The following CSF3R variants were observed in gnomAD, a reference collection of about 807,000 sequenced individuals.
CSF3R encodes the protein granulocyte colony-stimulating factor receptor.
A neutral mutation model predicts 84.4 loss-of-function variants in CSF3R; 52 were observed. The ratio of observed to expected loss-of-function variants is 0.62; its 90% CI spans 0.49 to 0.78. The LOEUF (loss-of-function observed/expected upper bound fraction) is 0.78, where lower values mean the gene tolerates loss of function less well. Among genes scored for constraint, CSF3R ranks in the 30% least tolerant of loss-of-function variants. CSF3R has a pLI of 0.00. For synonymous variants in CSF3R, 384 were observed against 429.1 expected, an observed-to-expected ratio of 0.89 and a Z score of 1.30; for missense variants, 890 against 1,055.7, an observed-to-expected ratio of 0.84 and a Z score of 2.17.
rs954552419 is a variant in CSF3R at position 36,471,334 on chromosome 1, A to C, written c.1285+99T>G. The C allele has an allele frequency of 1.6e-5, 20 of 1,223,502 alleles. No individual in the cohort carries two copies. The African/African-American group carries it at 3.0e-4, about 18-fold the overall frequency. 75.8% of individuals were successfully genotyped at this position (1,223,502 alleles called of 1,614,324 possible). On this transcript the variant is annotated intron_variant, in intron 10 of 16. Transcript: ENST00000373106. ...AGTGCTGGGATTACAGGCGTGAGCC[A>C]CTGCGCCCGGCCAATAGGACTAGAT...
chr1:36,472,011 CTGTT>C lies in CSF3R; in HGVS notation c.1071+51_1071+54del. 1 of 1,558,518 alleles carries C rather than the reference CTGTT, an allele frequency of 6.4e-7. No homozygotes were observed. Among genetic ancestry groups the C allele is most frequent in the Non-Finnish European group, 8.8e-7 (1 of 1,134,822 alleles). On this transcript the variant is annotated intron_variant, in intron 9 of 16. Transcript: ENST00000373106. This position sits in a 1 kb window ranked among gnomAD's most constrained non-coding sequence, Gnocchi z 5.0. ...GTCCTAAGCCCCGGTTTGTAGGGAT[CTGTT>C]TGGACTGCGGGAGGTGTCGAGGTGG... is the stretch of plus-strand genomic sequence containing the variant.
At chr1:36,473,333 C>G in intron 6 of CSF3R, 102 bp downstream of exon 6, 1 of 1,344,690 alleles carries the variant, frequency 7.4e-7, no homozygotes, top group Non-Finnish European at 1.0e-6. Context: ...GTCTCTAGGT[C>G]TTCCAGTGTC....
chr1:36,469,829 T>A lies in CSF3R; in HGVS notation c.1297A>T (p.Thr433Ser), dbSNP rs2124112200. The change falls in exon 11 of 17, where the codon ACC becomes TCC. Residue 433 changes from threonine (T) to serine (S), a missense_variant. Coordinates refer to ENST00000373106, the MANE Select transcript of CSF3R (RefSeq NM_000760.4). ...TCTCGGGCCATGGCATGGAGTCTGG[T>A]CAGAGCTGGGCCTGGAGACAGGGTG... Reference protein sequence around the residue: ...VFSESRGPALTRLHAMARDPH... With the variant: ...VFSESRGPALSRLHAMARDPH... 6.2e-7 allele frequency: 1 copy of A among 1,613,934 alleles called. No individual in the cohort carries two copies. Among genetic ancestry groups the A allele is most frequent in the Non-Finnish European group, 8.5e-7 (1 of 1,180,004 alleles).
rs1479894432 is a variant in CSF3R at position 36,472,542 on chromosome 1, T to C, written c.818A>G (p.Gln273Arg). The change falls in exon 7 of 17, where the codon CAG becomes CGG. Residue 273 changes from glutamine (Q) to arginine (R), a missense_variant. Coordinates refer to ENST00000373106, the MANE Select transcript of CSF3R (RefSeq NM_000760.4). The surrounding 1 kb of genome is among the most constrained non-coding windows in gnomAD (Gnocchi z 5.0). ...CAGTGCCCAGCTGGCTTCTCCACGC[T>C]GCGGCTTGTGGCGCAGCTCACACTT... ...NQKCELRHKP[Q>R]RGEASWALVG... is the part of the protein sequence containing the mutation. The C allele has an allele frequency of 1.2e-6, 2 of 1,614,208 alleles. No individual in the cohort carries two copies. The highest frequency in any genetic ancestry group is 8.5e-7 in the Non-Finnish European group (1 of 1,180,034).
chr1:36,475,927 CT>C (rs1410315828), intron 3 of CSF3R: 9 of 461,636 alleles, frequency 1.9e-5, no homozygotes, highest in African/African-American at 4.0e-5. Context: ...TAGTGTGTGC[CT>C]TTCCGCGGTG....
intron 1 of CSF3R, chr1:36,481,964 T>G (rs1651546920): frequency 6.6e-6 from 1 of 152,506 alleles, no homozygotes; most frequent in Admixed American, 6.6e-5. Context: ...ATTCCCTCTT[T>G]CTGTTTCTCC....
intron 12 of CSF3R, 68 bp from the exon 13 acceptor site, chr1:36,468,289 G>T: frequency 6.7e-7 from 1 of 1,488,126 alleles, no homozygotes; most frequent in Non-Finnish European, 9.0e-7. Context: ...TGGACTTCTT[G>T]TGGCTTCCCA....
chr1:36,466,895 C>T lies in CSF3R; in HGVS notation c.2041-68G>A. On this transcript the variant is annotated intron_variant, in intron 16 of 16. Coordinates refer to ENST00000373106, the MANE Select transcript of CSF3R (RefSeq NM_000760.4). This position sits in a 1 kb window ranked among gnomAD's most constrained non-coding sequence, Gnocchi z 4.6. Reference sequence around the variant, plus strand: ...TGTCTGCCCCAGCCACTGTCCCTGTCTGGGTCCGGGCAGCTGTGGGGACAT... The same window carrying T: ...TGTCTGCCCCAGCCACTGTCCCTGTTTGGGTCCGGGCAGCTGTGGGGACAT... 1 of 1,614,066 alleles carries T rather than the reference C, an allele frequency of 6.2e-7. No homozygotes were observed. Among genetic ancestry groups the T allele is most frequent in the Non-Finnish European group, 8.5e-7 (1 of 1,180,036 alleles).
chr1:36,482,746 GCCC>G (rs1325885290), intron 1 of CSF3R, 62 bp downstream of exon 1: 1 of 152,278 alleles, frequency 6.6e-6, no homozygotes, highest in Non-Finnish European at 1.5e-5. Context: ...GTGGGGAGTG[GCCC>G]CAGGATTCCA....
intron 3 of CSF3R, chr1:36,479,174 G>A (rs570702124): frequency 2.2e-5 from 12 of 545,418 alleles, no homozygotes; most frequent in East Asian, 1.0e-4. Context: ...GCTTGGTAGA[G>A]ATTTGCGGAC....
At chr1:36,471,938 G>T in intron 9 of CSF3R, 128 bp downstream of exon 9, 1 of 927,492 alleles carries the variant, frequency 1.1e-6, no homozygotes, top group Non-Finnish European at 1.7e-6. Context: ...CATGCAAAGT[G>T]CATGCAAATC....
In CSF3R at chr1:36,472,339, G is replaced by A. The variant is rs1489427982; in HGVS notation, c.896C>T (p.Pro299Leu). The change falls in exon 8 of 17, where the codon CCA becomes CTA. Residue 299 changes from proline (P) to leucine (L), a missense_variant. By Grantham distance (98) the Pro-to-Leu change is moderately conservative. Transcript: ENST00000373106. This position sits in a 1 kb window ranked among gnomAD's most constrained non-coding sequence, Gnocchi z 5.0. ...ALQYELCGLL[P>L]ATAYTLQIRC... Reference sequence around the variant, plus strand: ...TATCTGCAGGGTGTAGGCCGTGGCTGGGAGGAGCCCGCAGAGCTCATACTG... The same window carrying A: ...TATCTGCAGGGTGTAGGCCGTGGCTAGGAGGAGCCCGCAGAGCTCATACTG... 2 of 1,614,224 alleles carry A rather than the reference G, an allele frequency of 1.2e-6. No individual in the cohort carries two copies. The highest frequency in any genetic ancestry group is 1.7e-6 in the Non-Finnish European group (2 of 1,180,038).
intron 6 of CSF3R, chr1:36,473,091 A>G (rs1479092000): frequency 5.1e-6 from 2 of 389,896 alleles, no homozygotes; most frequent in Non-Finnish European, 9.3e-6. Context: ...CTGAAATTCT[A>G]TCTTATTTTC....
In CSF3R at chr1:36,467,735, C is replaced by A; in HGVS notation, c.1865-84G>T. 1.9e-6 allele frequency: 3 copies of A among 1,611,204 alleles called. No homozygotes were observed. In the South Asian group the frequency reaches 3.3e-5, roughly 18 times the overall value. The stretch of plus-strand genomic sequence containing the variant: ...TCCCTCCGACCAGGGGATTCAAAGT[C>A]AGTCCCCAGCTACTCTCAAAATCAG... On this transcript the variant is annotated intron_variant, in intron 14 of 16. Transcript: ENST00000373106. This position sits in a 1 kb window ranked among gnomAD's most constrained non-coding sequence, Gnocchi z 4.1.
chr1:36,473,295 T>C, intron 6 of CSF3R, 140 bp downstream of exon 6: 3 of 934,656 alleles, frequency 3.2e-6, no homozygotes, highest in Non-Finnish European at 4.8e-6. Flanking sequence ...TGCACCTTTC[T>C]TTGTCTCTGT....
chr1:36,482,353 G>A (rs1460353436), intron 1 of CSF3R, among the ~76,000 whole-genome samples: 3 of 151,808 alleles, frequency 2.0e-5, no homozygotes, highest in East Asian at 1.9e-4. Context: ...GTCTGTTACC[G>A]AGAGTTTAAG....
In CSF3R at chr1:36,482,307, G is replaced by GA. The variant is rs765372373; in HGVS notation, c.-81+503_-81+504insT. 4.2e-4 allele frequency among the ~76,000 whole-genome samples: 17 copies of GA among 40,366 alleles called. 2 individuals are homozygous for GA. The highest frequency in any genetic ancestry group is 1.1e-3 in the African/African-American group (17 of 14,870). The allele number at this position is 40,366 out of a possible 152,430, so 26.5% of individuals were successfully genotyped here. A position where few individuals can be genotyped will look rare whatever the true frequency, so the allele number is the denominator to read the frequency against. ...TGTACGCCGACCCAGAGAGTGGGCG[G>GA]GGGGGGGGCACTCGGAGGCCTGGAG... On this transcript the variant is annotated intron_variant, in intron 1 of 16. Coordinates refer to ENST00000373106, the MANE Select transcript of CSF3R (RefSeq NM_000760.4).
In CSF3R at chr1:36,467,067, A is replaced by G; in HGVS notation, c.2040+163T>C. 8.1e-7 allele frequency: 1 copy of G among 1,240,672 alleles called. No individual in the cohort carries two copies. Among genetic ancestry groups the G allele is most frequent in the Non-Finnish European group, 1.2e-6 (1 of 866,288 alleles). The allele number at this position is 1,240,672 out of a possible 1,614,324, so 76.9% of individuals were successfully genotyped here. A position where few individuals can be genotyped will look rare whatever the true frequency, so the allele number is the denominator to read the frequency against. The stretch of plus-strand genomic sequence containing the variant: ...ACAGGGAGGTGACTGAGGCTTTGAG[A>G]TGGACAGAGGTGGGATTCAAAGTTG... On this transcript the variant is annotated intron_variant, in intron 16 of 16. Coordinates refer to ENST00000373106, the MANE Select transcript of CSF3R (RefSeq NM_000760.4). This position sits in a 1 kb window ranked among gnomAD's most constrained non-coding sequence, Gnocchi z 4.1.
chr1:36,471,476 G>C lies in CSF3R; in HGVS notation c.1242C>G (p.Ala414=). ...CCACCGGAGTGGGACGAGAGGTCCCGGCTGAGTTATAGGCCACAAGGGCCA... is the reference window on the plus strand; with the variant it reads ...CCACCGGAGTGGGACGAGAGGTCCCCGCTGAGTTATAGGCCACAAGGGCCA... ...QEVALVAYNS[A]GTSRPTPVVF... is the part of the protein sequence containing the mutation. The change falls in exon 10 of 17, where the codon GCC becomes GCG. Residue 414 remains alanine (A), a synonymous_variant. Transcript: ENST00000373106. 6.2e-7 allele frequency: 1 copy of C among 1,614,208 alleles called. No individual in the cohort carries two copies. Among genetic ancestry groups the C allele is most frequent in the Non-Finnish European group, 8.5e-7 (1 of 1,180,028 alleles).
Sources: gnomAD v4.1 joint callset for allele counts (sites outside exome capture counted in the v4.1 genomes callset) on GRCh38, gnomAD v4.1.1 for gene constraint, Gnocchi (gnomAD v3.1) non-coding constraint, MANE v1.5 for transcripts, NCBI Gene and HGNC (gene_info 2026-07-23, HGNC 2026-07-21) for gene names.